The following ARHGAP21 variants were observed in gnomAD, a reference collection of about 807,000 sequenced individuals.
ARHGAP21 encodes rho GTPase-activating protein 21.
Under a neutral mutation model 164.6 loss-of-function variants are expected in ARHGAP21, and 38 were observed. The observed-to-expected ratio is 0.23, with a 90% confidence interval of 0.18 to 0.30. ARHGAP21 has a LOEUF of 0.30. ARHGAP21 is among the 10% of genes least tolerant of loss of function. The pLI is 1.00. For synonymous variants in ARHGAP21, 766 were observed against 857.9 expected (o/e 0.89, Z 1.87); for missense variants, 1,822 against 2,370.7 (o/e 0.77, Z 4.81).
At chr10:24,600,293 G>T (rs1224329903) in intron 14 of ARHGAP21, among the ~76,000 whole-genome samples, 1 of 152,004 alleles carries the variant, frequency 6.6e-6, no homozygotes, top group African/African-American at 2.4e-5. Flanking sequence ...ATTTATACTG[G>T]TAAGTATTTT....
In ARHGAP21 at chr10:24,597,519, C is replaced by T. The variant is rs1446526941; in HGVS notation, c.3262G>A (p.Ala1088Thr). 1 of 1,614,126 alleles carries T rather than the reference C, an allele frequency of 6.2e-7. No individual in the cohort carries two copies. The highest frequency in any genetic ancestry group is 1.1e-5 in the South Asian group (1 of 91,080). ...SLSIRQTLLG[A>T]KSEPKTQSPH... ...CTTTGAGTCTTTGGCTCTGATTTAG[C>T]ACCAAGCAAAGTTTGCCTGATGCTG... The change falls in exon 16 of 26, where the codon GCT becomes ACT. Residue 1088 changes from alanine (A) to threonine (T), a missense_variant. Coordinates refer to ENST00000396432, the MANE Select transcript of ARHGAP21 (RefSeq NM_020824.4).
intron 2 of ARHGAP21, among the ~76,000 whole-genome samples, chr10:24,707,501 C>G (rs1352826745): frequency 6.6e-6 from 1 of 152,168 alleles, no homozygotes; most frequent in Non-Finnish European, 1.5e-5. Flanking sequence ...CCCTCTTCAA[C>G]ACCACCCTTT....
At chr10:24,611,317 T>A (rs1267753272) in intron 9 of ARHGAP21, among the ~76,000 whole-genome samples, 1 of 152,220 alleles carries the variant, frequency 6.6e-6, no homozygotes, top group Non-Finnish European at 1.5e-5. Context: ...GAACAAAAAC[T>A]GTAGAAATCA....
chr10:24,590,284 G>A, intron 24 of ARHGAP21: 1 of 1,531,478 alleles, frequency 6.5e-7, no homozygotes, highest in Non-Finnish European at 8.7e-7. Flanking sequence ...GTATTGATCT[G>A]TTTACAATAA....
At position 24,701,183 on chromosome 10, in the gene ARHGAP21, A is replaced by T. The variant is rs73606548; in HGVS notation, c.63+20654T>A. On this transcript the variant is annotated intron_variant, in intron 2 of 25. Coordinates refer to ENST00000396432, the MANE Select transcript of ARHGAP21 (RefSeq NM_020824.4). ...CTTCAGGGAGAAAGCAGTAAAAATTAAAAAAAAAAATGCTCTATGCAGCCT... is the reference window on the plus strand; with the variant it reads ...CTTCAGGGAGAAAGCAGTAAAAATTTAAAAAAAAAATGCTCTATGCAGCCT... Among the ~76,000 whole-genome samples, 794 of 146,360 alleles carry T rather than the reference A, an allele frequency of 5.4e-3. 5 individuals are homozygous for T. Among genetic ancestry groups the T allele is most frequent in the African/African-American group, 0.018 (714 of 39,582 alleles).
intron 2 of ARHGAP21, among the ~76,000 whole-genome samples, chr10:24,719,459 C>T (rs770002529): frequency 5.9e-5 from 9 of 152,134 alleles, no homozygotes; most frequent in Non-Finnish European, 1.0e-4. Context: ...GTGGAGTTGG[C>T]TAATTAGATA....
intron 4 of ARHGAP21, among the ~76,000 whole-genome samples, chr10:24,656,095 C>T (rs1489473093): frequency 4.7e-4 from 69 of 147,756 alleles, no homozygotes; most frequent in African/African-American, 9.9e-4. Context: ...CCTCTCCGCC[C>T]GGCAGCCACC....
intron 4 of ARHGAP21, among the ~76,000 whole-genome samples, chr10:24,644,423 C>T (rs1004886673): frequency 2.0e-5 from 3 of 152,108 alleles, no homozygotes; most frequent in Admixed American, 6.5e-5. Flanking sequence ...CAAATACCTC[C>T]TTGGGGGAAA....
chr10:24,653,073 T>C (rs1272419181), intron 4 of ARHGAP21, among the ~76,000 whole-genome samples: 1 of 152,224 alleles, frequency 6.6e-6, no homozygotes, highest in Non-Finnish European at 1.5e-5. Flanking sequence ...TCAGCTTTAT[T>C]GAGGTATAAC....
chr10:24,652,764 G>T (rs1197402085), intron 4 of ARHGAP21, among the ~76,000 whole-genome samples: 1 of 152,158 alleles, frequency 6.6e-6, no homozygotes, highest in Non-Finnish European at 1.5e-5. Flanking sequence ...ACTGACAACA[G>T]CAAGTGTCAG....
At position 24,607,436 on chromosome 10, in the gene ARHGAP21, G is replaced by GTC. The variant is rs2077074822; in HGVS notation, c.2684+61_2684+62dup. On this transcript the variant is annotated intron_variant, in intron 11 of 25. Transcript: ENST00000396432. Reference sequence around the variant, plus strand: ...ACATCATTAAATTCTGAACTTATGTGTCAAGGTCATGCTGAACACCCACCC... The same window carrying GTC: ...ACATCATTAAATTCTGAACTTATGTGTCTCAAGGTCATGCTGAACACCCACCC... 12 of 1,363,414 alleles carry GTC rather than the reference G, an allele frequency of 8.8e-6. No homozygotes were observed. The East Asian group carries it at 2.8e-4, about 31-fold the overall frequency. 84.5% of individuals were successfully genotyped at this position (1,363,414 alleles called of 1,614,324 possible). A position where few individuals can be genotyped will look rare whatever the true frequency, so the allele number is the denominator to read the frequency against.
chr10:24,618,458 C>T (rs1265108288), intron 9 of ARHGAP21, among the ~76,000 whole-genome samples: 1 of 152,048 alleles, frequency 6.6e-6, no homozygotes, highest in Non-Finnish European at 1.5e-5. Flanking sequence ...AGAGAATGTC[C>T]GTTTCTGTGT....
At position 24,591,948 on chromosome 10, in the gene ARHGAP21, ATGTTGTCTTCTGATGTTCGAACAAGGGTG is replaced by A. The variant is rs2076349839; in HGVS notation, c.3912_3940del (p.Thr1305AspfsTer9). 6.2e-7 allele frequency: 1 copy of A among 1,613,792 alleles called. No individual in the cohort carries two copies. The highest frequency in any genetic ancestry group is 8.5e-7 in the Non-Finnish European group (1 of 1,179,916). On this transcript the variant is annotated frameshift_variant, in exon 22 of 26. Coordinates refer to ENST00000396432, the MANE Select transcript of ARHGAP21 (RefSeq NM_020824.4). LOFTEE classifies it high-confidence loss of function. ...AGGCATGTGGGTGACCATGTGGGTC[ATGTTGTCTTCTGATGTTCGAACAAGGGTG>A]GGACCAAACACTATTGCTAGGTTTC...
intron 4 of ARHGAP21, among the ~76,000 whole-genome samples, chr10:24,662,548 G>A (rs561047678): frequency 6.6e-6 from 1 of 152,276 alleles, no homozygotes; most frequent in South Asian, 2.1e-4. Flanking sequence ...TCTCAGTCAT[G>A]CGCTAATTTC....
intron 9 of ARHGAP21, among the ~76,000 whole-genome samples, chr10:24,615,851 T>C (rs1284717168): frequency 5.3e-5 from 8 of 152,350 alleles, no homozygotes; most frequent in Non-Finnish European, 8.8e-5. Context: ...CTCAGCTCTT[T>C]GCAACCTCTG....
chr10:24,721,406 G>A (rs1199469793), intron 2 of ARHGAP21, among the ~76,000 whole-genome samples: 1 of 152,162 alleles, frequency 6.6e-6, no homozygotes, highest in Admixed American at 6.5e-5. Context: ...AGTTCCAGGT[G>A]CAACAAGCAT....
At position 24,585,878 on chromosome 10, in the gene ARHGAP21, T is replaced by A; in HGVS notation, c.4411A>T (p.Ile1471Phe). The A allele has an allele frequency of 6.2e-7, 1 of 1,614,022 alleles. No homozygotes were observed. Among genetic ancestry groups the A allele is most frequent in the Non-Finnish European group, 8.5e-7 (1 of 1,179,888 alleles). Residue 1471 changes from isoleucine (I) to phenylalanine (F), a missense_variant, in exon 26 of 26, where the codon ATC becomes TTC. Around this residue, in one of 5 missense-constraint regions of ARHGAP21, gnomAD observed 333 missense variants for 383.9 expected, o/e 0.87. Transcript: ENST00000396432. ...ESETLGRKQKIIIAKENSTRK... is the reference protein window; with the variant it reads ...ESETLGRKQKFIIAKENSTRK... ...GTGCTGTTTTCTTTGGCAATGATGA[T>A]CTTCTGTTTTCTGCCCAGTGTCTCA...
At chr10:24,594,024 CACTA>C in intron 21 of ARHGAP21, among the ~76,000 whole-genome samples, 1 of 152,120 alleles carries the variant, frequency 6.6e-6, no homozygotes, top group Non-Finnish European at 1.5e-5. Flanking sequence ...CATGCACAGT[CACTA>C]AACTGATCTA....
chr10:24,597,810 T>C (rs754840802), intron 15 of ARHGAP21, 135 bp downstream of exon 15: 8 of 1,096,106 alleles, frequency 7.3e-6, no homozygotes, highest in African/African-American at 1.6e-5. Context: ...GGAAAAAATA[T>C]AGCGTAGAGA....
Sources: gnomAD v4.1 joint callset for allele counts (sites outside exome capture counted in the v4.1 genomes callset) on GRCh38, gnomAD v4.1.1 for gene constraint, gnomAD v4.1.1 regional missense constraint, MANE v1.5 for transcripts, NCBI Gene and HGNC (gene_info 2026-07-23, HGNC 2026-07-21) for gene names.